The following LOC128092253 variants were observed in gnomAD, a reference collection of about 807,000 sequenced individuals.
At chr6:133,979,726 A>G in the LOC128092253 span, among the ~76,000 whole-genome samples, 1 of 152,138 alleles carries the variant, frequency 6.6e-6, no homozygotes, top group Admixed American at 6.5e-5. Flanking sequence ...GGCTCACTGC[A>G]ACCTCCGCCT....
the LOC128092253 span, chr6:133,979,991 T>G: frequency 3.1e-6 from 3 of 977,576 alleles, no homozygotes; most frequent in Non-Finnish European, 4.2e-6. Context: ...ATAAATAATA[T>G]AGATTCATTT....
At chr6:133,969,218 C>A in the LOC128092253 span, among the ~76,000 whole-genome samples, 2 of 147,520 alleles carry the variant, frequency 1.4e-5, no homozygotes, top group African/African-American at 5.0e-5. Context: ...GACACCATTA[C>A]AAATAATGTC....
chr6:133,977,781 G>T, the LOC128092253 span, among the ~76,000 whole-genome samples: 1 of 151,998 alleles, frequency 6.6e-6, no homozygotes, highest in South Asian at 2.1e-4. Context: ...AGCGTCAGGG[G>T]CCAGGCTGCT....
At chr6:133,967,087 C>T in the LOC128092253 span, among the ~76,000 whole-genome samples, 2 of 152,212 alleles carry the variant, frequency 1.3e-5, no homozygotes, top group Admixed American at 1.3e-4. Flanking sequence ...ACTTTTCTCA[C>T]CGTAGCCATG....
chr6:133,976,300 C>T, the LOC128092253 span, among the ~76,000 whole-genome samples: 3 of 151,892 alleles, frequency 2.0e-5, no homozygotes, highest in Non-Finnish European at 2.9e-5. Flanking sequence ...GATTTCATAG[C>T]GTTCATACAC....
the LOC128092253 span, among the ~76,000 whole-genome samples, chr6:133,972,747 A>C: frequency 8.4e-3 from 1,278 of 152,236 alleles, 37 homozygotes; most frequent in Admixed American, 0.062. Flanking sequence ...TTTTGCATCA[A>C]TTCATTAAAT....
chr6:133,973,765 G>A, the LOC128092253 span, among the ~76,000 whole-genome samples: 1 of 152,218 alleles, frequency 6.6e-6, no homozygotes, highest in Middle Eastern at 3.4e-3. Context: ...TTCCTGAAGG[G>A]CTACAGTTTT....
the LOC128092253 span, chr6:133,953,396 C>G: frequency 3.9e-5 from 6 of 152,994 alleles, no homozygotes; most frequent in Admixed American, 3.3e-4. Context: ...GCTGCCGCCG[C>G]GTCCTCAGCC....
chr6:133,969,398 A>G, the LOC128092253 span, among the ~76,000 whole-genome samples: 2 of 152,068 alleles, frequency 1.3e-5, no homozygotes, highest in Non-Finnish European at 2.9e-5. Flanking sequence ...TATTCACATG[A>G]ATGCTACCTG....
At chr6:133,972,948 A>C in the LOC128092253 span, among the ~76,000 whole-genome samples, 1 of 152,196 alleles carries the variant, frequency 6.6e-6, no homozygotes, top group African/African-American at 2.4e-5. Context: ...CGGTTAGGTA[A>C]GTGGCCCAGT....
At chr6:133,953,358 C>G in the LOC128092253 span, 1 of 153,054 alleles carries the variant, frequency 6.5e-6, no homozygotes, top group South Asian at 2.1e-4. Flanking sequence ...CCAGCTTCTC[C>G]TTCGCATCCG....
At chr6:133,979,976 G>A in the LOC128092253 span, 1 of 919,292 alleles carries the variant, frequency 1.1e-6, no homozygotes, top group Non-Finnish European at 1.5e-6. Flanking sequence ...AGTAACATTT[G>A]AAAAATAAAT....
the LOC128092253 span, among the ~76,000 whole-genome samples, chr6:133,961,086 G>C: frequency 6.6e-6 from 1 of 152,178 alleles, no homozygotes; most frequent in Non-Finnish European, 1.5e-5. Context: ...TAAGGGAAGA[G>C]TTGGATACTG....
the LOC128092253 span, among the ~76,000 whole-genome samples, chr6:133,961,251 G>A: frequency 6.6e-6 from 1 of 152,030 alleles, no homozygotes; most frequent in East Asian, 1.9e-4. Context: ...TTGAGTTTAG[G>A]ACCAAATGCC....
At chr6:133,971,381 A>G in the LOC128092253 span, among the ~76,000 whole-genome samples, 916 of 152,334 alleles carry the variant, frequency 6.0e-3, 9 homozygotes, top group Middle Eastern at 0.02. Flanking sequence ...ATAGCGAAGT[A>G]TAGAAATCTC....
chr6:133,970,157 A>G, the LOC128092253 span, among the ~76,000 whole-genome samples: 1 of 152,192 alleles, frequency 6.6e-6, no homozygotes, highest in Non-Finnish European at 1.5e-5. Flanking sequence ...TGTGACCTCA[A>G]TTGACTCTGT....
the LOC128092253 span, chr6:133,980,059 CTT>C: frequency 7.3e-7 from 1 of 1,377,900 alleles, no homozygotes; most frequent in Non-Finnish European, 9.5e-7. Context: ...AGTTTAATGA[CTT>C]TATTTTGTTT....
At chr6:133,955,149 G>A in the LOC128092253 span, among the ~76,000 whole-genome samples, 1 of 151,342 alleles carries the variant, frequency 6.6e-6, no homozygotes. Flanking sequence ...TGGATGTTGA[G>A]TCCTGGGGTT....
At chr6:133,975,873 G>T in the LOC128092253 span, among the ~76,000 whole-genome samples, 5 of 152,114 alleles carry the variant, frequency 3.3e-5, no homozygotes, top group South Asian at 2.1e-4. Context: ...TGAATGATAG[G>T]TACGTAGATG....
Sources: gnomAD v4.1 joint callset for allele counts (sites outside exome capture counted in the v4.1 genomes callset) on GRCh38, gnomAD v4.1.1 for gene constraint, MANE v1.5 for transcripts.